Variants in SORL1 observed in about 807,000 individuals in gnomAD.
SORL1 encodes the protein sortilin related receptor 1, also known as sortilin-related receptor.
Under a neutral mutation model 273.7 loss-of-function variants are expected in SORL1, and 127 were observed. That is an observed-to-expected ratio of 0.46 (90% confidence interval 0.40 to 0.54). The LOEUF (loss-of-function observed/expected upper bound fraction) is 0.54, where lower values mean the gene tolerates loss of function less well. Among genes scored for constraint, SORL1 ranks in the 20% least tolerant of loss-of-function variants. SORL1 has a pLI of 0.00. For synonymous variants in SORL1, 1,031 were observed against 1,067.4 expected (o/e 0.97, Z 0.66); for missense variants, 2,494 against 2,846.1 (o/e 0.88, Z 2.81).
intron 37 of SORL1, among the ~76,000 whole-genome samples, chr11:121,607,895 A>G (rs1034434119): frequency 6.6e-6 from 1 of 152,178 alleles, no homozygotes; most frequent in Non-Finnish European, 1.5e-5. Context: ...CAGGACTGTC[A>G]TAATGCCCTT....
At position 121,478,155 on chromosome 11, in the gene SORL1, A is replaced by C; in HGVS notation, c.440A>C (p.Lys147Thr). 1 of 1,614,202 alleles carries C rather than the reference A, an allele frequency of 6.2e-7. No homozygotes were observed. ...VSYDYGKSFKKISDKLNFGLG... is the reference protein window; with the variant it reads ...VSYDYGKSFKTISDKLNFGLG... ...TACGACTATGGAAAATCATTCAAGA[A>C]AATTTCAGACAAGTTAAACTTTGGC... The change falls in exon 3 of 48, where the codon AAA (lysine) becomes ACA (threonine). Residue 147 changes from lysine (K) to threonine (T), a missense_variant. Lys to Thr is a moderately conservative substitution (Grantham distance 78). Coordinates refer to ENST00000260197, the MANE Select transcript of SORL1 (RefSeq NM_003105.6).
At chr11:121,534,502 A>G (rs1431803976) in intron 12 of SORL1, among the ~76,000 whole-genome samples, 1 of 152,198 alleles carries the variant, frequency 6.6e-6, no homozygotes, top group Non-Finnish European at 1.5e-5. Context: ...CTATTTGTAT[A>G]GGTTTCATTT....
At chr11:121,535,512 CAG>C (rs1214279624) in intron 12 of SORL1, among the ~76,000 whole-genome samples, 1 of 152,190 alleles carries the variant, frequency 6.6e-6, no homozygotes, top group East Asian at 1.9e-4. Context: ...GAGCCAGATG[CAG>C]AGAGAGAGGC....
At chr11:121,513,251 T>C (rs1861904696) in intron 7 of SORL1, 147 bp downstream of exon 7, 2 of 662,560 alleles carry the variant, frequency 3.0e-6, no homozygotes, top group African/African-American at 1.8e-5. Flanking sequence ...AGCTATGCTT[T>C]GGGCATCGTG....
intron 45 of SORL1, 107 bp from the exon 46 acceptor site, chr11:121,624,978 G>C (rs180816739): frequency 2.6e-6 from 2 of 771,496 alleles, no homozygotes; most frequent in Non-Finnish European, 4.2e-6. Context: ...GCGCTTTCGC[G>C]TCTGTAGCAG....
rs201583906 is a variant in SORL1 at position 121,545,387 on chromosome 11, T to C, written c.2009T>C (p.Val670Ala). 8.1e-6 allele frequency: 13 copies of C among 1,614,082 alleles called. No individual in the cohort carries two copies. The highest frequency in any genetic ancestry group is 1.7e-6 in the Non-Finnish European group (2 of 1,179,990). Residue 670 changes from valine (V) to alanine (A), a missense_variant, in exon 14 of 48, where the codon GTG becomes GCG. Coordinates refer to ENST00000260197, the MANE Select transcript of SORL1 (RefSeq NM_003105.6). ...AATGGAGAGGACTTTGACAGGCCGG[T>C]GGTCGTGTCCAACTGCTCCTGCACC... Reference protein sequence around the residue: ...CFNGEDFDRPVVVSNCSCTRE... With the variant: ...CFNGEDFDRPAVVSNCSCTRE...
intron 6 of SORL1, among the ~76,000 whole-genome samples, chr11:121,498,348 G>C (rs1010642863): frequency 6.6e-6 from 1 of 152,194 alleles, no homozygotes; most frequent in Non-Finnish European, 1.5e-5. Context: ...GGACAGTCTT[G>C]AGTTTTCAGT....
intron 1 of SORL1, among the ~76,000 whole-genome samples, chr11:121,459,916 C>G (rs1238403913): frequency 1.3e-5 from 2 of 152,220 alleles, no homozygotes; most frequent in Non-Finnish European, 2.9e-5. Context: ...TTTAACTTAG[C>G]TTGCCATTGC....
chr11:121,581,942 T>A (rs11218350), intron 25 of SORL1, among the ~76,000 whole-genome samples: 35,563 of 152,226 alleles, frequency 0.23, 5,203 homozygotes, highest in East Asian at 0.55. Flanking sequence ...ATCAAAAGTA[T>A]TCCAGGCGAT....
In SORL1 at chr11:121,461,361, A is replaced by C. The variant is rs866062479; in HGVS notation, c.286-8646A>C. On this transcript the variant is annotated intron_variant, in intron 1 of 47. Coordinates refer to ENST00000260197, the MANE Select transcript of SORL1 (RefSeq NM_003105.6). ...GTGGAAAGTTGGTTAGAGGTGAAAGAGCTATCTAAACAGAGCTGGGGGAGT... is the reference window on the plus strand; with the variant it reads ...GTGGAAAGTTGGTTAGAGGTGAAAGCGCTATCTAAACAGAGCTGGGGGAGT... 5.3e-5 allele frequency among the ~76,000 whole-genome samples: 8 copies of C among 152,270 alleles called. No homozygotes were observed. In the Middle Eastern group the frequency reaches 0.01, roughly 194 times the overall value.
In SORL1 at chr11:121,514,244, G is replaced by A. The variant is rs1171407004; in HGVS notation, c.1134G>A (p.Glu378=). 1.2e-6 allele frequency: 2 copies of A among 1,614,118 alleles called. No individual in the cohort carries two copies. The highest frequency in any genetic ancestry group is 2.7e-5 in the African/African-American group (2 of 74,934). Residue 378 remains glutamate, a synonymous_variant, in exon 8 of 48, where the codon GAG becomes GAA. Coordinates refer to ENST00000260197, the MANE Select transcript of SORL1 (RefSeq NM_003105.6). ...CCAATTTATACATCTCAGAGGCAGA[G>A]GGGCTGAAGTTCTCCCTGTCCTTGG... is the stretch of plus-strand genomic sequence containing the variant. The part of the protein sequence containing the change: ...NRTNLYISEA[E]GLKFSLSLEN...
chr11:121,547,817 G>A (rs1178647361), intron 14 of SORL1, among the ~76,000 whole-genome samples: 2 of 152,094 alleles, frequency 1.3e-5, no homozygotes, highest in African/African-American at 2.4e-5. Flanking sequence ...GCACTGAGAA[G>A]GAAAATGGTC....
chr11:121,587,337 C>G (rs751345774), intron 27 of SORL1, among the ~76,000 whole-genome samples: 7 of 152,174 alleles, frequency 4.6e-5, no homozygotes, highest in Non-Finnish European at 7.4e-5. Flanking sequence ...CTATATAGTT[C>G]AAGTCCAAAG....
At chr11:121,586,161 T>C in intron 26 of SORL1, 61 bp from the exon 27 acceptor site, 1 of 1,344,452 alleles carries the variant, frequency 7.4e-7, no homozygotes, top group Non-Finnish European at 1.1e-6. Flanking sequence ...GCCAGCACTG[T>C]GTGTGAGTGC....
At chr11:121,487,950 G>A (rs1371411042) in intron 3 of SORL1, 82 bp from the exon 4 acceptor site, 27 of 1,455,484 alleles carry the variant, frequency 1.9e-5, no homozygotes, top group East Asian at 4.6e-5. Flanking sequence ...GTGTGTACTC[G>A]TGTGGACTCG....
intron 25 of SORL1, among the ~76,000 whole-genome samples, chr11:121,582,407 A>G (rs763554220): frequency 6.6e-6 from 1 of 152,244 alleles, no homozygotes; most frequent in Non-Finnish European, 1.5e-5. Context: ...GAGTCCGTCT[A>G]TCTAGGTTCT....
Position 121,631,288 on chromosome 11 carries a change from CTG to C in SORL1, c.*1727_*1728del, listed in dbSNP as rs1262336552. 1.3e-5 allele frequency: 2 copies of C among 151,970 alleles called. No individual in the cohort carries two copies. The highest frequency in any genetic ancestry group is 2.9e-5 in the Non-Finnish European group (2 of 68,010). The allele number at this position is 151,970 out of a possible 1,614,324, so 9.4% of individuals were successfully genotyped here. Reference sequence around the variant, plus strand: ...CCTTTAGTTTGCCATACGGGTAGGACTGTATTTCATGTTAACAACTGGTGGTA... The same window carrying C: ...CCTTTAGTTTGCCATACGGGTAGGACTATTTCATGTTAACAACTGGTGGTA... On this transcript the variant is annotated 3_prime_UTR_variant, in exon 48 of 48. Transcript: ENST00000260197.
intron 41 of SORL1, among the ~76,000 whole-genome samples, chr11:121,615,820 A>C (rs1289164635): frequency 6.6e-6 from 1 of 152,194 alleles, no homozygotes. Context: ...AGTGCCAGGA[A>C]CAATATAAAA....
At chr11:121,614,321 G>A (rs913840336) in intron 40 of SORL1, 4 of 152,378 alleles carry the variant, frequency 2.6e-5, no homozygotes, top group Non-Finnish European at 4.4e-5. Context: ...AATGCCATAG[G>A]TAGTATTGTA....
Sources: gnomAD v4.1 joint callset for allele counts (sites outside exome capture counted in the v4.1 genomes callset) on GRCh38, gnomAD v4.1.1 for gene constraint, MANE v1.5 for transcripts, NCBI Gene and HGNC (gene_info 2026-07-23, HGNC 2026-07-21) for gene names.